The following MET variants were observed in gnomAD, a reference collection of about 807,000 sequenced individuals.
The protein encoded by MET is MET proto-oncogene, receptor tyrosine kinase.
Under a neutral mutation model 133.1 loss-of-function variants are expected in MET, and 48 were observed. The ratio of observed to expected loss-of-function variants is 0.36; its 90% CI spans 0.29 to 0.46. MET has a LOEUF of 0.46. MET is among the 20% of genes least tolerant of loss of function. MET has a pLI of 1.00. For missense variants in MET, 1,442 were observed against 1,695.9 expected, an observed-to-expected ratio of 0.85 and a Z score of 2.63; for synonymous variants, 628 against 616.5, an observed-to-expected ratio of 1.02 and a Z score of -0.28.
At chr7:116,749,024 G>A (rs1016111321) in intron 5 of MET, among the ~76,000 whole-genome samples, 1 of 152,000 alleles carries the variant, frequency 6.6e-6, no homozygotes, top group Non-Finnish European at 1.5e-5. Flanking sequence ...TCTACCAGAG[G>A]TACAAAGAGG....
rs1001362196 is a variant in MET at position 116,783,481 on chromosome 7, G to A, written c.3798+12G>A. 6.2e-7 allele frequency: 1 copy of A among 1,613,916 alleles called. No homozygotes were observed. The highest frequency in any genetic ancestry group is 8.5e-7 in the Non-Finnish European group (1 of 1,179,954). On this transcript the variant is annotated intron_variant, in intron 19 of 20. Coordinates refer to ENST00000397752, the MANE Select transcript of MET (RefSeq NM_000245.4). ...CCAAGTCAGATGTGGTAATGTATTG[G>A]TTATCTCTGAGTTTCTCCTCTTTTA...
At chr7:116,716,502 A>AAAGG (rs1792235372) in intron 2 of MET, among the ~76,000 whole-genome samples, 1 of 151,046 alleles carries the variant, frequency 6.6e-6, no homozygotes, top group African/African-American at 2.4e-5. Flanking sequence ...AGAAAGAAAG[A>AAAGG]AAGAAAGAAA....
At chr7:116,734,352 TG>T (rs1475568194) in intron 3 of MET, among the ~76,000 whole-genome samples, 1 of 152,272 alleles carries the variant, frequency 6.6e-6, no homozygotes, top group Non-Finnish European at 1.5e-5. Flanking sequence ...AGTTTGCAGC[TG>T]TTTCTGTCTT....
intron 19 of MET, among the ~76,000 whole-genome samples, chr7:116,791,033 A>G (rs1027272067): frequency 7.2e-5 from 11 of 152,192 alleles, no homozygotes; most frequent in Non-Finnish European, 1.6e-4. Flanking sequence ...AGCTGAGATC[A>G]TGCCACTGTA....
At chr7:116,775,827 T>G (rs1177018607) in intron 15 of MET, among the ~76,000 whole-genome samples, 2 of 152,224 alleles carry the variant, frequency 1.3e-5, no homozygotes, top group Non-Finnish European at 2.9e-5. Flanking sequence ...AAGCCTGGTT[T>G]ATAGCAGTTT....
intron 18 of MET, among the ~76,000 whole-genome samples, chr7:116,782,978 G>A (rs1169896187): frequency 6.6e-6 from 1 of 152,200 alleles, no homozygotes; most frequent in Admixed American, 6.5e-5. Context: ...TAGTTAATTA[G>A]CATACTTCAT....
rs557085805 is a variant in MET at position 116,791,348 on chromosome 7, C to T, written c.3799-4307C>T. 2.0e-4 allele frequency among the ~76,000 whole-genome samples: 30 copies of T among 152,184 alleles called. No individual in the cohort carries two copies. The South Asian group carries it at 6.2e-3, about 32-fold the overall frequency. ...CATAAGAGTTCCAGTTGTTCAGCAT[C>T]CTCTCCCGCACTTGACATTGTCAGC... On this transcript the variant is annotated intron_variant, in intron 19 of 20. Coordinates refer to ENST00000397752, the MANE Select transcript of MET (RefSeq NM_000245.4).
intron 5 of MET, among the ~76,000 whole-genome samples, chr7:116,744,114 A>T (rs1162329543): frequency 6.6e-6 from 1 of 152,188 alleles, no homozygotes; most frequent in Non-Finnish European, 1.5e-5. Flanking sequence ...AATTCCAAAA[A>T]CCAGAACACC....
intron 14 of MET, among the ~76,000 whole-genome samples, chr7:116,772,658 C>T (rs1011272926): frequency 1.3e-5 from 2 of 152,170 alleles, no homozygotes. Flanking sequence ...TTAGAAGTTA[C>T]AGGATGTGAG....
At chr7:116,677,647 C>T (rs905280191) in intron 1 of MET, among the ~76,000 whole-genome samples, 2 of 152,244 alleles carry the variant, frequency 1.3e-5, no homozygotes, top group African/African-American at 4.8e-5. Context: ...CCAATTGCAG[C>T]AGCATGCATG....
rs1404664878 is a variant in MET at position 116,740,886 on chromosome 7, G to A, written c.1562G>A (p.Arg521Lys). Residue 521 changes from arginine to lysine, a missense_variant, in exon 5 of 21, where the codon AGA becomes AAA. Physicochemically the swap from Arg to Lys is conservative, Grantham distance 26 (BLOSUM62 2). Transcript: ENST00000397752. Reference sequence around the variant, plus strand: ...ATCCCATTGAATGGCTTGGGCTGCAGACATTTCCAGTCCTGCAGTCAATGC... The same window carrying A: ...ATCCCATTGAATGGCTTGGGCTGCAAACATTTCCAGTCCTGCAGTCAATGC... Reference protein sequence around the residue: ...TKIPLNGLGCRHFQSCSQCLS... With the variant: ...TKIPLNGLGCKHFQSCSQCLS... 4 of 1,614,138 alleles carry A rather than the reference G, an allele frequency of 2.5e-6. 1 individual carries two copies. In the South Asian group the frequency reaches 4.4e-5, roughly 18 times the overall value.
intron 1 of MET, among the ~76,000 whole-genome samples, chr7:116,694,830 G>T (rs1341623403): frequency 6.6e-6 from 1 of 152,094 alleles, no homozygotes; most frequent in Non-Finnish European, 1.5e-5. Context: ...GGGATTACAG[G>T]CATGCGCCAC....
Position 116,771,669 on chromosome 7 carries a change from CTG to C in MET, c.2887+17_2887+18del, listed in dbSNP as rs1438952536. 1.3e-5 allele frequency: 21 copies of C among 1,613,314 alleles called. No individual in the cohort carries two copies. The highest frequency in any genetic ancestry group is 1.8e-5 in the Non-Finnish European group (21 of 1,179,564). On this transcript the variant is annotated intron_variant, in intron 13 of 20. Coordinates refer to ENST00000397752, the MANE Select transcript of MET (RefSeq NM_000245.4). ...GCAAATTAAAGGTGCATTTTTGTTA[CTG>C]TTCATTTTTAGAAGTTACCTTAAGA...
intron 14 of MET, among the ~76,000 whole-genome samples, chr7:116,772,277 G>A (rs1042582075): frequency 2.6e-5 from 4 of 152,100 alleles, no homozygotes; most frequent in Admixed American, 6.5e-5. Flanking sequence ...AAGAAATTGC[G>A]AAGCTCTCTT....
chr7:116,680,590 G>A (rs530813702), intron 1 of MET, among the ~76,000 whole-genome samples: 43 of 152,112 alleles, frequency 2.8e-4, no homozygotes, highest in Non-Finnish European at 5.9e-4. Flanking sequence ...AAGTCATAAA[G>A]AGGGTGTCCC....
chr7:116,790,598 CT>C (rs1288025184), intron 19 of MET, among the ~76,000 whole-genome samples: 2 of 152,068 alleles, frequency 1.3e-5, no homozygotes, highest in Non-Finnish European at 2.9e-5. Context: ...CTTTGAGATC[CT>C]TTTTTTCAAT....
intron 2 of MET, among the ~76,000 whole-genome samples, chr7:116,716,402 T>A (rs1298096753): frequency 1.2e-5 from 1 of 80,440 alleles, no homozygotes; most frequent in Non-Finnish European, 2.5e-5. Context: ...GAAAGAGAAA[T>A]ATGAAAGAAA....
At chr7:116,710,387 G>A (rs1016892011) in intron 2 of MET, among the ~76,000 whole-genome samples, 1 of 152,212 alleles carries the variant, frequency 6.6e-6, no homozygotes, top group African/African-American at 2.4e-5. Context: ...ATATGTGCCT[G>A]CTTTGAAAAG....
rs2116922678 is a variant in MET at position 116,757,622 on chromosome 7, T to C, written c.1966-16T>C. 6.2e-7 allele frequency: 1 copy of C among 1,614,012 alleles called. No individual in the cohort carries two copies. The highest frequency in any genetic ancestry group is 8.5e-7 in the Non-Finnish European group (1 of 1,179,960). Reference sequence around the variant, plus strand: ...GATGAACAAGTTACTTTGTTTTGTTTTTATCTCCCCTCCAGGATCCTGTAA... The same window carrying C: ...GATGAACAAGTTACTTTGTTTTGTTCTTATCTCCCCTCCAGGATCCTGTAA... On this transcript the variant is annotated splice_polypyrimidine_tract_variant and intron_variant, in intron 7 of 20. Coordinates refer to ENST00000397752, the MANE Select transcript of MET (RefSeq NM_000245.4).
Sources: allele counts gnomAD v4.1 joint callset (sites outside exome capture counted in the v4.1 genomes callset), GRCh38; gene constraint gnomAD v4.1.1; transcripts MANE v1.5; gene names NCBI Gene and HGNC (gene_info 2026-07-23, HGNC 2026-07-21).